Variants in GRID2 observed in about 807,000 individuals in gnomAD.
GRID2 encodes glutamate receptor ionotropic, delta-2.
Under a neutral mutation model 114.8 loss-of-function variants are expected in GRID2, and 33 were observed. The ratio of observed to expected loss-of-function variants is 0.29; its 90% CI spans 0.22 to 0.38. The LOEUF (loss-of-function observed/expected upper bound fraction) is 0.38, where lower values mean the gene tolerates loss of function less well. GRID2 is among the 10% of genes least tolerant of loss of function. The pLI is 1.00. For missense variants in GRID2, 1,184 were observed against 1,257.7 expected (o/e 0.94, Z 0.89); for synonymous variants, 505 against 449.9 (o/e 1.12, Z -1.55).
chr4:93,304,249 A>T (rs1755174548), intron 8 of GRID2, among the ~76,000 whole-genome samples: 1 of 86,758 alleles, frequency 1.2e-5, no homozygotes, highest in East Asian at 2.6e-4. Flanking sequence ...TTTGGAAATA[A>T]TATTTTAAAT....
intron 13 of GRID2, among the ~76,000 whole-genome samples, chr4:93,596,494 G>A (rs565690816): frequency 4.6e-5 from 7 of 152,160 alleles, no homozygotes; most frequent in South Asian, 2.1e-4. Flanking sequence ...AGAAGAATGC[G>A]GTGAACTCGG....
At chr4:92,677,058 C>T (rs1004594707) in intron 2 of GRID2, among the ~76,000 whole-genome samples, 1 of 151,792 alleles carries the variant, frequency 6.6e-6, no homozygotes, top group East Asian at 1.9e-4. Flanking sequence ...ATATGAGGTA[C>T]CTAAAGTGTA....
chr4:93,752,586 G>A (rs1249341396), intron 14 of GRID2, among the ~76,000 whole-genome samples: 1 of 152,024 alleles, frequency 6.6e-6, no homozygotes, highest in African/African-American at 2.4e-5. Context: ...TAGCCAGGAT[G>A]GTCGCGATCT....
At chr4:93,524,819 G>GTGTA (rs1553946394) in intron 13 of GRID2, among the ~76,000 whole-genome samples, 43 of 52,196 alleles carry the variant, frequency 8.2e-4, no homozygotes, top group African/African-American at 5.5e-3. Flanking sequence ...ATATATGTAT[G>GTGTA]TATGTATATA....
At chr4:93,735,666 T>C (rs1730865245) in intron 14 of GRID2, among the ~76,000 whole-genome samples, 1 of 152,016 alleles carries the variant, frequency 6.6e-6, no homozygotes, top group Admixed American at 6.6e-5. Flanking sequence ...TGTGAGCACG[T>C]TTTCTTTAGG....
At position 92,816,106 on chromosome 4, in the gene GRID2, C is replaced by T. The variant is rs189626690; in HGVS notation, c.244+225820C>T. ...CAAGGCAGGTGGATCACCTGAGGTCCGGAGTTCGAGATCAGCCTAGGCAAC... is the reference window on the plus strand; with the variant it reads ...CAAGGCAGGTGGATCACCTGAGGTCTGGAGTTCGAGATCAGCCTAGGCAAC... On this transcript the variant is annotated intron_variant, in intron 2 of 15. Transcript: ENST00000282020. Among the ~76,000 whole-genome samples, 710 of 150,938 alleles carry T rather than the reference C, an allele frequency of 4.7e-3. 2 individuals carry two copies. Among genetic ancestry groups the T allele is most frequent in the African/African-American group, 0.016 (672 of 41,270 alleles).
intron 4 of GRID2, among the ~76,000 whole-genome samples, chr4:93,133,685 G>GTACA: frequency 6.6e-6 from 1 of 151,928 alleles, no homozygotes; most frequent in Non-Finnish European, 1.5e-5. Context: ...TGGGCACATT[G>GTACA]TACAGCATTG....
intron 8 of GRID2, among the ~76,000 whole-genome samples, chr4:93,375,641 A>T (rs985226123): frequency 1.1e-4 from 17 of 152,162 alleles, no homozygotes; most frequent in Admixed American, 6.5e-5. Context: ...TTGAAGTGTG[A>T]GTTACCATGC....
At chr4:92,989,300 A>AAAAAT (rs1553962743) in intron 2 of GRID2, among the ~76,000 whole-genome samples, 1 of 92,268 alleles carries the variant, frequency 1.1e-5, no homozygotes, top group African/African-American at 4.4e-5. Context: ...AAAAAAAAAA[A>AAAAAT]AATAATAATA....
At chr4:93,681,033 A>G (rs1438158033) in intron 14 of GRID2, among the ~76,000 whole-genome samples, 2 of 151,476 alleles carry the variant, frequency 1.3e-5, no homozygotes, top group Admixed American at 6.6e-5. Flanking sequence ...AGAAAACCCC[A>G]TTGTCTCAGC....
At chr4:92,460,410 C>T (rs930782428) in intron 1 of GRID2, among the ~76,000 whole-genome samples, 14 of 152,014 alleles carry the variant, frequency 9.2e-5, no homozygotes, top group East Asian at 3.9e-4. Context: ...TTTACTTCTC[C>T]CTTCCGAAAT....
chr4:92,405,884 G>C (rs577848842), intron 1 of GRID2, among the ~76,000 whole-genome samples: 2 of 152,052 alleles, frequency 1.3e-5, no homozygotes, highest in Non-Finnish European at 2.9e-5. Context: ...ATAAAGGGGA[G>C]TTTATTAAGT....
At chr4:92,474,802 C>T (rs1722214604) in intron 1 of GRID2, among the ~76,000 whole-genome samples, 1 of 151,828 alleles carries the variant, frequency 6.6e-6, no homozygotes, top group Admixed American at 6.6e-5. Flanking sequence ...TGTATGTCTT[C>T]TTTGGAGAAA....
At chr4:92,536,598 G>T (rs1253202594) in intron 1 of GRID2, among the ~76,000 whole-genome samples, 1 of 152,086 alleles carries the variant, frequency 6.6e-6, no homozygotes, top group Non-Finnish European at 1.5e-5. Flanking sequence ...TTAATTTTTT[G>T]CTTACTTTTC....
chr4:92,678,971 CT>C (rs35349895), intron 2 of GRID2, among the ~76,000 whole-genome samples: 24,862 of 138,430 alleles, frequency 0.18, 2,171 homozygotes, highest in Middle Eastern at 0.26. Flanking sequence ...CTGCAAATAG[CT>C]TTTTTTTTTT....
At chr4:92,502,979 G>A (rs1723763617) in intron 1 of GRID2, among the ~76,000 whole-genome samples, 1 of 151,964 alleles carries the variant, frequency 6.6e-6, no homozygotes, top group Non-Finnish European at 1.5e-5. Flanking sequence ...GCTTCCCAAA[G>A]TGCTGGGATT....
At chr4:93,728,436 G>A (rs1730149725) in intron 14 of GRID2, among the ~76,000 whole-genome samples, 2 of 152,130 alleles carry the variant, frequency 1.3e-5, no homozygotes, top group African/African-American at 2.4e-5. Flanking sequence ...TAGGTGTGGT[G>A]TGGTGCTGAA....
chr4:93,480,835 C>T (rs72668769), intron 11 of GRID2, among the ~76,000 whole-genome samples: 1 of 151,970 alleles, frequency 6.6e-6, no homozygotes, highest in African/African-American at 2.4e-5. Context: ...TAGGGATTGG[C>T]CTTCTCATGT....
Position 93,008,757 on chromosome 4 carries a change from AT to A in GRID2, c.245-76230del, listed in dbSNP as rs1210280818. On this transcript the variant is annotated intron_variant, in intron 2 of 15. Coordinates refer to ENST00000282020, the MANE Select transcript of GRID2 (RefSeq NM_001510.4). The stretch of plus-strand genomic sequence containing the variant: ...CATCGGCCATAGATAGCTGTTTTTC[AT>A]TTTTTTTGCTTAATGAAGTAAAAAG... 6.6e-5 allele frequency among the ~76,000 whole-genome samples: 10 copies of A among 151,764 alleles called. No homozygotes were observed. The East Asian group carries it at 1.4e-3, about 21-fold the overall frequency.
Sources: allele counts gnomAD v4.1 joint callset (sites outside exome capture counted in the v4.1 genomes callset), GRCh38; gene constraint gnomAD v4.1.1; transcripts MANE v1.5; gene names NCBI Gene and HGNC (gene_info 2026-07-23, HGNC 2026-07-21).